DCC: variants seen among roughly 807,000 people sequenced by gnomAD.
The protein encoded by DCC is netrin receptor DCC.
In DCC, 58 loss-of-function variants were observed where a neutral mutation model predicts 172.5. The ratio of observed to expected loss-of-function variants is 0.34; its 90% CI spans 0.27 to 0.42. DCC has a LOEUF of 0.42. Ranked by LOEUF, DCC falls within the 10% of genes least tolerant of loss-of-function variation. DCC has a pLI of 1.00. For synonymous variants in DCC, 709 were observed against 644.5 expected, an observed-to-expected ratio of 1.10 and a Z score of -1.52; for missense variants, 1,740 against 1,791.0, an observed-to-expected ratio of 0.97 and a Z score of 0.51.
intron 9 of DCC, among the ~76,000 whole-genome samples, chr18:53,193,563 C>A (rs949566966): frequency 2.0e-5 from 3 of 152,066 alleles, no homozygotes; most frequent in African/African-American, 7.2e-5. Flanking sequence ...AGTGAGTCTT[C>A]TGGATTTGAA....
chr18:53,419,618 C>A (rs1054098825), intron 21 of DCC, among the ~76,000 whole-genome samples: 2 of 151,974 alleles, frequency 1.3e-5, no homozygotes, highest in Non-Finnish European at 2.9e-5. Context: ...TAAAATGAAC[C>A]GCTATGCAGC....
At chr18:53,260,355 T>C (rs910592184) in intron 12 of DCC, among the ~76,000 whole-genome samples, 2 of 152,186 alleles carry the variant, frequency 1.3e-5, no homozygotes, top group African/African-American at 2.4e-5. Context: ...TGGTCTTTGA[T>C]GATGGTGACG....
chr18:52,359,280 A>G (rs1002387900), intron 1 of DCC, among the ~76,000 whole-genome samples: 11 of 152,186 alleles, frequency 7.2e-5, no homozygotes, highest in African/African-American at 2.7e-4. Context: ...ACTAATAATA[A>G]TGGTTAATAT....
intron 1 of DCC, among the ~76,000 whole-genome samples, chr18:52,651,499 CTT>C (rs202034422): frequency 1.1e-3 from 154 of 135,050 alleles, no homozygotes; most frequent in East Asian, 0.01. Context: ...TTTTTAAAAT[CTT>C]TTTTTTTTTT....
At chr18:52,341,713 C>T (rs1224739925) in intron 1 of DCC, among the ~76,000 whole-genome samples, 3 of 152,182 alleles carry the variant, frequency 2.0e-5, no homozygotes, top group African/African-American at 4.8e-5. Flanking sequence ...CTGCTGTAAT[C>T]TCCGAATACG....
intron 1 of DCC, among the ~76,000 whole-genome samples, chr18:52,587,928 C>A (rs2033713443): frequency 6.6e-6 from 1 of 152,142 alleles, no homozygotes; most frequent in Non-Finnish European, 1.5e-5. Context: ...TCCTTATGTA[C>A]CTTACTTGTG....
At chr18:52,880,491 C>T (rs2039468580) in intron 2 of DCC, among the ~76,000 whole-genome samples, 1 of 152,116 alleles carries the variant, frequency 6.6e-6, no homozygotes, top group South Asian at 2.1e-4. Context: ...CGTAACCATC[C>T]CCACTTCCCC....
At chr18:53,314,374 A>G (rs2057320148) in intron 13 of DCC, among the ~76,000 whole-genome samples, 1 of 152,240 alleles carries the variant, frequency 6.6e-6, no homozygotes, top group Non-Finnish European at 1.5e-5. Flanking sequence ...AACATGTTTT[A>G]TAGGAGAAAC....
Position 52,373,887 on chromosome 18 carries a change from C to CTTTTT in DCC, c.91+33009_91+33010insTTTTT, listed in dbSNP as rs779518696. Reference sequence around the variant, plus strand: ...ATCAATGAAGCATATTTGGTTGCATCATTTTTTTTTTTTTTTTTTTTTTGA... The same window carrying CTTTTT: ...ATCAATGAAGCATATTTGGTTGCATCTTTTTATTTTTTTTTTTTTTTTTTTTTTGA... On this transcript the variant is annotated intron_variant, in intron 1 of 28. Transcript: ENST00000442544. 3.2e-3 allele frequency among the ~76,000 whole-genome samples: 458 copies of CTTTTT among 140,952 alleles called. 11 individuals carry two copies. Among genetic ancestry groups the CTTTTT allele is most frequent in the Non-Finnish European group, 3.6e-3 (234 of 65,328 alleles). The allele number at this position is 140,952 out of a possible 152,430, so 92.5% of individuals were successfully genotyped here. A position where few individuals can be genotyped will look rare whatever the true frequency, so the allele number is the denominator to read the frequency against.
At chr18:53,307,611 A>G (rs567356632) in intron 13 of DCC, among the ~76,000 whole-genome samples, 1 of 152,016 alleles carries the variant, frequency 6.6e-6, no homozygotes, top group South Asian at 2.1e-4. Context: ...CTATAAAATA[A>G]TTAACTAAAG....
chr18:53,343,634 T>C (rs937932756), intron 15 of DCC, among the ~76,000 whole-genome samples: 2 of 151,984 alleles, frequency 1.3e-5, no homozygotes, highest in African/African-American at 4.8e-5. Flanking sequence ...ATAGTGTCTA[T>C]ATACTGTTTC....
chr18:53,406,534 G>A (rs1438493106), intron 19 of DCC, among the ~76,000 whole-genome samples: 2 of 151,696 alleles, frequency 1.3e-5, no homozygotes, highest in East Asian at 1.9e-4. Flanking sequence ...GTGAAACCCC[G>A]ACTCTACTAA....
intron 5 of DCC, among the ~76,000 whole-genome samples, chr18:53,050,375 ATTTTAATGATACTGATTCTTCCTATC>A (rs2042318667): frequency 2.6e-5 from 4 of 152,242 alleles, no homozygotes; most frequent in African/African-American, 9.6e-5. Flanking sequence ...CAATATGGCC[ATTTTAATGATACTGATTCTTCCTATC>A]CGTGACCATG....
chr18:52,944,286 A>G (rs2040507153), intron 5 of DCC, among the ~76,000 whole-genome samples: 2 of 152,186 alleles, frequency 1.3e-5, no homozygotes, highest in Admixed American at 6.5e-5. Flanking sequence ...TTAGGATGTT[A>G]GATCTGAGGG....
At chr18:53,340,041 T>C in intron 15 of DCC, 134 bp downstream of exon 15, 1 of 653,762 alleles carries the variant, frequency 1.5e-6, no homozygotes. Context: ...AAAGCAACTG[T>C]CTATCTACAC....
chr18:53,523,677 A>G (rs1240607492), intron 27 of DCC, among the ~76,000 whole-genome samples: 1 of 152,106 alleles, frequency 6.6e-6, no homozygotes, highest in Non-Finnish European at 1.5e-5. Context: ...CAAACACCGC[A>G]TGTTCTCACA....
At chr18:53,096,102 A>C (rs145284373) in intron 7 of DCC, among the ~76,000 whole-genome samples, 1,687 of 152,192 alleles carry the variant, frequency 0.011, 14 homozygotes, top group Middle Eastern at 0.024. Context: ...ACATGTATAC[A>C]TATGTAACTA....
At chr18:53,177,365 A>C (rs908606356) in intron 8 of DCC, among the ~76,000 whole-genome samples, 1 of 152,140 alleles carries the variant, frequency 6.6e-6, no homozygotes, top group Non-Finnish European at 1.5e-5. Context: ...CTTATTAAAC[A>C]CTAACGTCCC....
intron 7 of DCC, among the ~76,000 whole-genome samples, chr18:53,089,113 TCTC>T (rs1381912778): frequency 8.5e-5 from 13 of 152,144 alleles, no homozygotes; most frequent in Non-Finnish European, 1.2e-4. Context: ...TGAGACAGAG[TCTC>T]GCTCTGCCTC....
Sources: allele counts gnomAD v4.1 joint callset (sites outside exome capture counted in the v4.1 genomes callset), GRCh38; gene constraint gnomAD v4.1.1; transcripts MANE v1.5; gene names NCBI Gene and HGNC (gene_info 2026-07-23, HGNC 2026-07-21).